Variants in SENP7 observed in about 807,000 individuals in gnomAD.
SENP7 encodes the protein SUMO specific peptidase 7.
A neutral mutation model predicts 141.2 loss-of-function variants in SENP7; 64 were observed. That is an observed-to-expected ratio of 0.45 (90% CI 0.37 to 0.56). SENP7 has a LOEUF of 0.56. Among genes scored for constraint, SENP7 ranks in the 20% least tolerant of loss-of-function variants. The probability of loss-of-function intolerance (pLI) is 0.00; values close to 1 mark genes in which losing one functional copy is unlikely to be tolerated. For synonymous variants in SENP7, 382 were observed against 426.4 expected, an observed-to-expected ratio of 0.90 and a Z score of 1.28; for missense variants, 1,025 against 1,212.2, an observed-to-expected ratio of 0.85 and a Z score of 2.29.
At chr3:101,406,866 G>C (rs1341766025) in intron 5 of SENP7, among the ~76,000 whole-genome samples, 1 of 152,198 alleles carries the variant, frequency 6.6e-6, no homozygotes, top group Non-Finnish European at 1.5e-5. Context: ...ATTAACAGCA[G>C]ATTTCTCAGC....
chr3:101,423,946 T>C (rs1314127636), intron 4 of SENP7, among the ~76,000 whole-genome samples: 2 of 152,150 alleles, frequency 1.3e-5, no homozygotes, highest in African/African-American at 4.8e-5. Context: ...CCAGCTGATG[T>C]GGAGCCCAGA....
At chr3:101,410,944 A>T (rs1345035766) in intron 5 of SENP7, among the ~76,000 whole-genome samples, 1 of 152,130 alleles carries the variant, frequency 6.6e-6, no homozygotes, top group Non-Finnish European at 1.5e-5. Context: ...TGATGACAAA[A>T]ATTAAAGTTC....
chr3:101,420,611 T>A (rs139680509), intron 4 of SENP7, among the ~76,000 whole-genome samples: 3 of 152,306 alleles, frequency 2.0e-5, no homozygotes, highest in African/African-American at 7.2e-5. Flanking sequence ...AATGAACAGA[T>A]CTGGCAGGCA....
intron 6 of SENP7, among the ~76,000 whole-genome samples, chr3:101,372,950 T>G (rs1055934031): frequency 2.6e-5 from 4 of 152,028 alleles, no homozygotes; most frequent in Non-Finnish European, 4.4e-5. Context: ...AAGTATTTCA[T>G]AATTTTAAAA....
At chr3:101,492,815 T>C (rs1256501347) in intron 3 of SENP7, among the ~76,000 whole-genome samples, 1 of 151,988 alleles carries the variant, frequency 6.6e-6, no homozygotes, top group Admixed American at 6.6e-5. Context: ...CTAGGCAACA[T>C]AGCAAGATCC....
At chr3:101,404,923 C>G (rs2061254943) in intron 5 of SENP7, among the ~76,000 whole-genome samples, 1 of 152,192 alleles carries the variant, frequency 6.6e-6, no homozygotes, top group Non-Finnish European at 1.5e-5. Context: ...AGACAGCCAT[C>G]TACAAGCCAA....
At chr3:101,406,603 G>A (rs1042495115) in intron 5 of SENP7, among the ~76,000 whole-genome samples, 1 of 151,796 alleles carries the variant, frequency 6.6e-6, no homozygotes, top group African/African-American at 2.4e-5. Context: ...AATAATAGGT[G>A]TTCCTGAGGA....
chr3:101,350,612 T>G (rs1329004106), intron 12 of SENP7, among the ~76,000 whole-genome samples: 1 of 152,036 alleles, frequency 6.6e-6, no homozygotes, highest in African/African-American at 2.4e-5. Context: ...GAAAGCAATA[T>G]TATAAATATT....
Position 101,441,929 on chromosome 3 carries a change from C to A in SENP7, c.284+17026G>T, listed in dbSNP as rs1576362606. ...GCAGCATAAGACAATAAGGACCTTGCAGACACCAATATCACTGATTATGAC... is the reference window on the plus strand; with the variant it reads ...GCAGCATAAGACAATAAGGACCTTGAAGACACCAATATCACTGATTATGAC... On this transcript the variant is annotated intron_variant, in intron 4 of 23. Transcript: ENST00000394095. 2.0e-5 allele frequency among the ~76,000 whole-genome samples: 3 copies of A among 152,290 alleles called. No individual in the cohort carries two copies. In the South Asian group the frequency reaches 6.2e-4, roughly 32 times the overall value.
intron 3 of SENP7, among the ~76,000 whole-genome samples, chr3:101,488,066 T>C (rs2064804556): frequency 1.3e-5 from 2 of 152,226 alleles, no homozygotes; most frequent in African/African-American, 4.8e-5. Flanking sequence ...GTCATTTTTG[T>C]GACACTGATG....
intron 1 of SENP7, among the ~76,000 whole-genome samples, chr3:101,510,756 G>A (rs1161477930): frequency 2.0e-5 from 3 of 149,302 alleles, no homozygotes; most frequent in Non-Finnish European, 4.4e-5. Flanking sequence ...GGGAGGCTGA[G>A]GCAGAAGAAT....
chr3:101,341,793 G>C lies in SENP7; in HGVS notation c.2107-14C>G, dbSNP rs766616849. 1 of 1,567,488 alleles carries C rather than the reference G, an allele frequency of 6.4e-7. No homozygotes were observed. Among genetic ancestry groups the C allele is most frequent in the South Asian group, 1.2e-5 (1 of 85,620 alleles). On this transcript the variant is annotated splice_polypyrimidine_tract_variant and intron_variant, in intron 14 of 23. Coordinates refer to ENST00000394095, the MANE Select transcript of SENP7 (RefSeq NM_020654.5). Reference sequence around the variant, plus strand: ...TGTGTTTGAGGGCTGACAGAAAGTGGCAAGAAAAAGGGTCTCAAACATCAT... The same window carrying C: ...TGTGTTTGAGGGCTGACAGAAAGTGCCAAGAAAAAGGGTCTCAAACATCAT...
intron 4 of SENP7, among the ~76,000 whole-genome samples, chr3:101,419,870 A>G (rs1481019354): frequency 6.6e-6 from 1 of 152,140 alleles, no homozygotes; most frequent in African/African-American, 2.4e-5. Flanking sequence ...CCTCACAACC[A>G]CTCCATGAGG....
chr3:101,410,347 A>AC (rs1559784352), intron 5 of SENP7, among the ~76,000 whole-genome samples: 1 of 152,150 alleles, frequency 6.6e-6, no homozygotes. Context: ...AACTAGGACA[A>AC]CCACTGTGGA....
intron 6 of SENP7, among the ~76,000 whole-genome samples, chr3:101,383,518 A>G (rs949051893): frequency 3.9e-5 from 6 of 152,184 alleles, no homozygotes; most frequent in African/African-American, 1.4e-4. Context: ...TAAGGAGCCC[A>G]GGAAGGCCCC....
In SENP7 at chr3:101,367,745, T is replaced by C. The variant is rs955490587; in HGVS notation, c.978+85A>G. ...AAATCTCATAATAAAAGCTGAAAGCTAGAGGAACATTATTTGGCCACAGTC... is the reference window on the plus strand; with the variant it reads ...AAATCTCATAATAAAAGCTGAAAGCCAGAGGAACATTATTTGGCCACAGTC... On this transcript the variant is annotated intron_variant, in intron 8 of 23. Transcript: ENST00000394095. 12 of 830,142 alleles carry C rather than the reference T, an allele frequency of 1.4e-5. No individual in the cohort carries two copies. The African/African-American group carries it at 2.1e-4, about 15-fold the overall frequency. 51.4% of individuals were successfully genotyped at this position (830,142 alleles called of 1,614,324 possible).
intron 3 of SENP7, 76 bp downstream of exon 3, chr3:101,493,797 C>T (rs928656245): frequency 2.4e-6 from 2 of 846,094 alleles, no homozygotes; most frequent in Non-Finnish European, 3.6e-6. Context: ...AGAAAATAAA[C>T]ATTCAGTTTT....
At chr3:101,408,593 T>C (rs1163275583) in intron 5 of SENP7, among the ~76,000 whole-genome samples, 2 of 152,148 alleles carry the variant, frequency 1.3e-5, no homozygotes, top group African/African-American at 4.8e-5. Flanking sequence ...CATGATCACA[T>C]AGGTTTCATA....
In SENP7 at chr3:101,366,337, T is replaced by C. The variant is rs1285113514; in HGVS notation, c.1318+93A>G. 4.3e-6 allele frequency: 4 copies of C among 923,540 alleles called. No homozygotes were observed. In the Admixed American group the frequency reaches 1.1e-4, roughly 25 times the overall value. 57.2% of individuals were successfully genotyped at this position (923,540 alleles called of 1,614,324 possible). A position where few individuals can be genotyped will look rare whatever the true frequency, so the allele number is the denominator to read the frequency against. On this transcript the variant is annotated intron_variant, in intron 9 of 23. Transcript: ENST00000394095. ...TTCCACAATGATGTCATAAACAGCT[T>C]ATGGCCTTAGCCAAATTTGTTCAAG...
Sources: allele counts gnomAD v4.1 joint callset (sites outside exome capture counted in the v4.1 genomes callset), GRCh38; gene constraint gnomAD v4.1.1; transcripts MANE v1.5; gene names NCBI Gene and HGNC (gene_info 2026-07-23, HGNC 2026-07-21).